Variants in SEMA4F observed in about 807,000 individuals in gnomAD.
SEMA4F encodes ssemaphorin 4F.
A neutral mutation model predicts 78.4 loss-of-function variants in SEMA4F; 51 were observed. That is an observed-to-expected ratio of 0.65 (90% confidence interval 0.52 to 0.82). The LOEUF is 0.82. Ranked by LOEUF, SEMA4F falls within the 40% of genes least tolerant of loss-of-function variation. SEMA4F has a pLI of 0.00. For missense variants in SEMA4F, 938 were observed against 1,014.4 expected, an observed-to-expected ratio of 0.92 and a Z score of 1.02; for synonymous variants, 418 against 408.7, an observed-to-expected ratio of 1.02 and a Z score of -0.27.
At chr2:74,706,744 G>T in the SEMA4F span, among the ~76,000 whole-genome samples, 671 of 152,264 alleles carry the variant, frequency 4.4e-3, 5 homozygotes, top group African/African-American at 0.015. Context: ...TACCACTTTT[G>T]TGTCATTGAT....
chr2:74,677,527 T>C (rs1195783142), intron 12 of SEMA4F, among the ~76,000 whole-genome samples: 3 of 152,258 alleles, frequency 2.0e-5, no homozygotes, highest in Non-Finnish European at 4.4e-5. Flanking sequence ...TTCAATTGCA[T>C]ATATTTTAAA....
At position 74,674,689 on chromosome 2, in the gene SEMA4F, G is replaced by GGT. The variant is rs1490031253; in HGVS notation, c.1001+17_1001+18dup. The GGT allele has an allele frequency of 1.9e-6, 3 of 1,612,682 alleles. No individual in the cohort carries two copies. The highest frequency in any genetic ancestry group is 1.7e-5 in the Admixed American group (1 of 59,910). On this transcript the variant is annotated intron_variant, in intron 8 of 13. Coordinates refer to ENST00000357877, the MANE Select transcript of SEMA4F (RefSeq NM_004263.5). The stretch of plus-strand genomic sequence containing the variant: ...TTTCTTCCCAGTGGTGAGGGGTCTT[G>GGT]GTGTGGAGGAGAGTTACAGGGTGGG...
Position 74,669,308 on chromosome 2 carries a change from G to A in SEMA4F, c.551-4149G>A, listed in dbSNP as rs1684855064. ...GAGACCCTGTCTTAAAAAGTAGGCT[G>A]GGCATGGTGGCTCACGCCTGTAATC... is the stretch of plus-strand genomic sequence containing the variant. On this transcript the variant is annotated intron_variant, in intron 5 of 13. Coordinates refer to ENST00000357877, the MANE Select transcript of SEMA4F (RefSeq NM_004263.5). Among the ~76,000 whole-genome samples the A allele has an allele frequency of 1.3e-5, 2 of 151,416 alleles. 1 individual carries two copies. Among genetic ancestry groups the A allele is most frequent in the South Asian group, 4.2e-4 (2 of 4,796 alleles).
At chr2:74,655,172 C>T in intron 1 of SEMA4F, 1 of 256,758 alleles carries the variant, frequency 3.9e-6, no homozygotes, top group Non-Finnish European at 8.7e-6. Context: ...TTAACTTCCT[C>T]AGTGTTCCTC....
At chr2:74,699,217 T>G in the SEMA4F span, among the ~76,000 whole-genome samples, 13 of 152,222 alleles carry the variant, frequency 8.5e-5, no homozygotes, top group Non-Finnish European at 1.9e-4. Context: ...TTCCAAAGGG[T>G]CTTCTTTAGG....
chr2:74,689,597 A>G, the SEMA4F span, among the ~76,000 whole-genome samples: 3 of 152,278 alleles, frequency 2.0e-5, no homozygotes, highest in South Asian at 4.1e-4. Flanking sequence ...AAATGTTGGG[A>G]AAAAAATCAA....
At chr2:74,689,572 A>T in the SEMA4F span, among the ~76,000 whole-genome samples, 3 of 152,206 alleles carry the variant, frequency 2.0e-5, no homozygotes, top group Non-Finnish European at 4.4e-5. Context: ...TATTTTTATA[A>T]TAATTATAAG....
chr2:74,692,686 T>C, the SEMA4F span, among the ~76,000 whole-genome samples: 1 of 152,154 alleles, frequency 6.6e-6, no homozygotes, highest in Admixed American at 6.5e-5. Flanking sequence ...CATGGTCACC[T>C]GGGAAATCAA....
Position 74,662,774 on chromosome 2 carries a change from C to A in SEMA4F, c.499C>A (p.Arg167=). The change falls in exon 5 of 14, where the codon CGG becomes AGG. Residue 167 remains arginine (R), a synonymous_variant. Transcript: ENST00000357877. ...FQQVERLESG[R]GKCPFEPAQR... The stretch of plus-strand genomic sequence containing the variant: ...GCAGGTTGAAAGACTTGAGAGTGGC[C>A]GGGGGAAATGTCCTTTTGAGCCAGC... 6.2e-7 allele frequency: 1 copy of A among 1,614,038 alleles called. No individual in the cohort carries two copies. The highest frequency in any genetic ancestry group is 8.5e-7 in the Non-Finnish European group (1 of 1,179,988).
chr2:74,674,837 T>C (rs1316016908), intron 8 of SEMA4F, 51 bp from the exon 9 acceptor site: 1 of 1,593,218 alleles, frequency 6.3e-7, no homozygotes, highest in East Asian at 2.2e-5. Flanking sequence ...AGGGATGAGT[T>C]GCTATCCCCC....
chr2:74,688,807 T>G (rs1194979903), downstream of SEMA4F, among the ~76,000 whole-genome samples: 2 of 152,242 alleles, frequency 1.3e-5, no homozygotes, highest in Non-Finnish European at 2.9e-5. Context: ...GAATTTTATG[T>G]ATAAGTATGT....
At chr2:74,701,326 A>C in the SEMA4F span, among the ~76,000 whole-genome samples, 1 of 152,146 alleles carries the variant, frequency 6.6e-6, no homozygotes, top group East Asian at 1.9e-4. Flanking sequence ...CTACATTCTC[A>C]TCAATGAATC....
At chr2:74,656,273 G>C (rs936393814) in intron 1 of SEMA4F, among the ~76,000 whole-genome samples, 1 of 152,120 alleles carries the variant, frequency 6.6e-6, no homozygotes, top group Non-Finnish European at 1.5e-5. Flanking sequence ...GCCTCCCAAA[G>C]TGCTGGGATT....
chr2:74,700,986 G>A, the SEMA4F span, among the ~76,000 whole-genome samples: 1 of 152,192 alleles, frequency 6.6e-6, no homozygotes, highest in Non-Finnish European at 1.5e-5. Context: ...GAGAGATTCA[G>A]CTGGAGGTTC....
the SEMA4F span, among the ~76,000 whole-genome samples, chr2:74,699,712 G>A: frequency 2.6e-5 from 4 of 152,252 alleles, no homozygotes; most frequent in South Asian, 2.1e-4. Context: ...GAGAAGGAGC[G>A]GTTGGAGAGG....
Position 74,683,136 on chromosome 2 carries a change from T to A in SEMA4F, c.*2927T>A, listed in dbSNP as rs1340978059. ...TGTCTATGTGTCTTATTATACCTTA[T>A]TAAAACAAACCTGGGTACATTTGTA... On this transcript the variant is annotated 3_prime_UTR_variant, in exon 14 of 14. Coordinates refer to ENST00000357877, the MANE Select transcript of SEMA4F (RefSeq NM_004263.5). The A allele has an allele frequency of 6.6e-6, 1 of 152,242 alleles. No individual in the cohort carries two copies. Among genetic ancestry groups the A allele is most frequent in the Non-Finnish European group, 1.5e-5 (1 of 68,078 alleles). The allele number at this position is 152,242 out of a possible 1,614,324, so 9.4% of individuals were successfully genotyped here.
chr2:74,689,546 T>A, the SEMA4F span, among the ~76,000 whole-genome samples: 1 of 152,168 alleles, frequency 6.6e-6, no homozygotes, highest in Non-Finnish European at 1.5e-5. Flanking sequence ...TGCAAAGACA[T>A]ACTTCTAAAG....
intron 5 of SEMA4F, among the ~76,000 whole-genome samples, chr2:74,670,297 G>A (rs749232520): frequency 3.3e-5 from 5 of 152,076 alleles, no homozygotes; most frequent in East Asian, 3.8e-4. Context: ...GGGTGTGTAC[G>A]TGTATATCTG....
downstream of SEMA4F, among the ~76,000 whole-genome samples, chr2:74,688,734 A>G (rs773622391): frequency 3.9e-5 from 6 of 152,172 alleles, no homozygotes; most frequent in Non-Finnish European, 8.8e-5. Flanking sequence ...TAGATCTTGT[A>G]TGTACTTTGC....
Sources: allele counts gnomAD v4.1 joint callset (sites outside exome capture counted in the v4.1 genomes callset), GRCh38; gene constraint gnomAD v4.1.1; transcripts MANE v1.5; gene names NCBI Gene and HGNC (gene_info 2026-07-23, HGNC 2026-07-21).